FAT3: variants seen among roughly 807,000 people sequenced by gnomAD.
The protein encoded by FAT3 is FAT atypical cadherin 3.
FAT3 carries 95 observed loss-of-function variants against 310.2 expected under a neutral mutation model. The observed-to-expected ratio is 0.31, with a 90% confidence interval of 0.26 to 0.36. The LOEUF is 0.36. Among genes scored for constraint, FAT3 ranks in the 10% least tolerant of loss-of-function variants. FAT3 has a pLI of 1.00. For synonymous variants in FAT3, 2,314 were observed against 2,192.9 expected (o/e 1.06, Z -1.54); for missense variants, 5,408 against 5,715.6 (o/e 0.95, Z 1.74).
intron 2 of FAT3, among the ~76,000 whole-genome samples, chr11:92,482,606 T>G (rs1952260198): frequency 6.6e-6 from 1 of 152,132 alleles, no homozygotes; most frequent in Non-Finnish European, 1.5e-5. Context: ...CAATTAGAAT[T>G]GCTCCATCCA....
At chr11:92,805,772 G>A (rs888488414) in intron 11 of FAT3, among the ~76,000 whole-genome samples, 2 of 152,152 alleles carry the variant, frequency 1.3e-5, no homozygotes, top group Non-Finnish European at 2.9e-5. Context: ...GGCTCCTTAT[G>A]AAGTGGCCTT....
chr11:92,825,393 T>C (rs1406027918), intron 13 of FAT3, among the ~76,000 whole-genome samples: 1 of 151,880 alleles, frequency 6.6e-6, no homozygotes, highest in Non-Finnish European at 1.5e-5. Flanking sequence ...ATGCAAAAAA[T>C]AGAGGCAAAA....
chr11:92,473,638 G>C (rs1226270830), intron 2 of FAT3, among the ~76,000 whole-genome samples: 1 of 152,112 alleles, frequency 6.6e-6, no homozygotes, highest in African/African-American at 2.4e-5. Flanking sequence ...CCCAATGTTT[G>C]TGAGACATTT....
At chr11:92,820,368 T>C (rs1383895128) in intron 13 of FAT3, among the ~76,000 whole-genome samples, 1 of 152,132 alleles carries the variant, frequency 6.6e-6, no homozygotes, top group Non-Finnish European at 1.5e-5. Context: ...TCCTATCACA[T>C]TAGGACCCCA....
At chr11:92,294,915 C>A (rs894276477) in intron 1 of FAT3, among the ~76,000 whole-genome samples, 4 of 152,048 alleles carry the variant, frequency 2.6e-5, no homozygotes, top group African/African-American at 9.7e-5. Flanking sequence ...TTTAGTAGTG[C>A]TTGTGTAATC....
chr11:92,724,493 A>G (rs1259258946), intron 4 of FAT3, among the ~76,000 whole-genome samples: 3 of 152,186 alleles, frequency 2.0e-5, no homozygotes, highest in Admixed American at 6.5e-5. Context: ...TTTAGAGTCA[A>G]TTTCATAGTC....
At position 92,498,113 on chromosome 11, in the gene FAT3, T is replaced by G. The variant is rs180886600; in HGVS notation, c.3293-26521T>G. On this transcript the variant is annotated intron_variant, in intron 2 of 27. Transcript: ENST00000525166. ...TATTTTTTTTTTCCACAAATGGGAC[T>G]TTTTATCTACCACTATTAAAAGTCT... 277 of 153,248 alleles carry G rather than the reference T, an allele frequency of 1.8e-3. No individual in the cohort carries two copies. The Middle Eastern group carries it at 0.044, about 24-fold the overall frequency. The allele number at this position is 153,248 out of a possible 1,614,324, so 9.5% of individuals were successfully genotyped here.
At chr11:92,322,054 G>A (rs1269935021) in intron 1 of FAT3, among the ~76,000 whole-genome samples, 2 of 152,146 alleles carry the variant, frequency 1.3e-5, no homozygotes, top group East Asian at 1.9e-4. Flanking sequence ...CTGGTTAGAT[G>A]TAGGCCTTGT....
rs548320255 is a variant in FAT3 at position 92,881,848 on chromosome 11, T to C, written c.12282-890T>C. On this transcript the variant is annotated intron_variant, in intron 23 of 27. Coordinates refer to ENST00000525166, the MANE Select transcript of FAT3 (RefSeq NM_001367949.2). ...AAAGAGAATAAAATTGATTTAATTA[T>C]TTTTCATTAGAATGCTTTAGTCATT... Among the ~76,000 whole-genome samples, 103 of 152,364 alleles carry C rather than the reference T, an allele frequency of 6.8e-4. 1 individual carries two copies. Among genetic ancestry groups the C allele is most frequent in the African/African-American group, 2.3e-3 (94 of 41,582 alleles).
chr11:92,444,626 G>T (rs1951165712), intron 2 of FAT3, among the ~76,000 whole-genome samples: 1 of 141,072 alleles, frequency 7.1e-6, no homozygotes, highest in African/African-American at 2.6e-5. Context: ...CTCCCAAGAA[G>T]GAAAATACTT....
intron 8 of FAT3, among the ~76,000 whole-genome samples, chr11:92,791,840 A>G (rs897964327): frequency 3.9e-5 from 6 of 152,350 alleles, no homozygotes; most frequent in Admixed American, 6.5e-5. Flanking sequence ...TGCCATATGC[A>G]AACTAAAGGA....
intron 3 of FAT3, among the ~76,000 whole-genome samples, chr11:92,636,638 T>C (rs1381324419): frequency 6.6e-6 from 1 of 152,182 alleles, no homozygotes; most frequent in African/African-American, 2.4e-5. Flanking sequence ...GTCAGCAAGA[T>C]TCATGACAGC....
intron 2 of FAT3, among the ~76,000 whole-genome samples, chr11:92,421,098 C>T (rs1950525220): frequency 6.6e-6 from 1 of 152,182 alleles, no homozygotes; most frequent in Non-Finnish European, 1.5e-5. Context: ...GAACAGACCA[C>T]ATACTCTTTC....
chr11:92,698,237 C>A (rs1227364751), intron 4 of FAT3, among the ~76,000 whole-genome samples: 1 of 151,974 alleles, frequency 6.6e-6, no homozygotes, highest in Admixed American at 6.6e-5. Context: ...AATCCACTAC[C>A]CCTCCTAACA....
chr11:92,487,031 T>C (rs991078014), intron 2 of FAT3, among the ~76,000 whole-genome samples: 1 of 152,164 alleles, frequency 6.6e-6, no homozygotes, highest in African/African-American at 2.4e-5. Context: ...CATTGTCTTT[T>C]TGCAGAAGAA....
chr11:92,497,305 A>T (rs1330966293), intron 2 of FAT3, among the ~76,000 whole-genome samples: 1 of 152,088 alleles, frequency 6.6e-6, no homozygotes, highest in Non-Finnish European at 1.5e-5. Flanking sequence ...CAAGAGGGTT[A>T]CTTCTACAGA....
chr11:92,409,298 G>A (rs577105542), intron 2 of FAT3, among the ~76,000 whole-genome samples: 1 of 152,082 alleles, frequency 6.6e-6, no homozygotes, highest in South Asian at 2.1e-4. Context: ...ATAAACACAC[G>A]AGTAGAGCCT....
At chr11:92,565,038 G>C (rs951712692) in intron 3 of FAT3, among the ~76,000 whole-genome samples, 49 of 145,042 alleles carry the variant, frequency 3.4e-4, no homozygotes, top group African/African-American at 1.1e-3. Context: ...ACTAAAATCA[G>C]AGCAGAACTG....
At chr11:92,490,409 G>A (rs950227102) in intron 2 of FAT3, among the ~76,000 whole-genome samples, 42 of 152,096 alleles carry the variant, frequency 2.8e-4, no homozygotes, top group Non-Finnish European at 5.3e-4. Flanking sequence ...GTAGCTCTGG[G>A]AACCTGGGTA....
Sources: gnomAD v4.1 joint callset for allele counts (sites outside exome capture counted in the v4.1 genomes callset) on GRCh38, gnomAD v4.1.1 for gene constraint, MANE v1.5 for transcripts, NCBI Gene and HGNC (gene_info 2026-07-23, HGNC 2026-07-21) for gene names.